The following CMKLR1 variants were observed in gnomAD, a reference collection of about 807,000 sequenced individuals.
CMKLR1 encodes the protein chemerin chemokine-like receptor 1, also known as chemerin-like receptor 1.
A neutral mutation model predicts 8.2 loss-of-function variants in CMKLR1; 6 were observed. The observed-to-expected ratio is 0.73, with a 90% CI of 0.40 to 1.44. The LOEUF (loss-of-function observed/expected upper bound fraction) is 1.44. CMKLR1 is among the 40% of genes most tolerant of loss of function. The pLI, the probability that CMKLR1 is intolerant of heterozygous loss-of-function variation, is 0.02. For synonymous variants in CMKLR1, 178 were observed against 181.2 expected (o/e 0.98, Z 0.14); for missense variants, 429 against 478.0 (o/e 0.90, Z 0.96).
rs1037687418 is a variant in CMKLR1, at chr12:108,293,674, A to G, written c.-73-10T>C. The G allele has an allele frequency of 0.04, 18,657 of 467,324 alleles. 96 individuals are homozygous for G. Among genetic ancestry groups the G allele is most frequent in the Non-Finnish European group, 0.046 (16,003 of 347,000 alleles). 28.9% of individuals were successfully genotyped at this position (467,324 alleles called of 1,614,324 possible). ...ACACAGCTAGAAACACCTGTAGGGA[A>G]AAAAAAAAAAAAAAAAGCAGCAATT... On this transcript the variant is annotated splice_polypyrimidine_tract_variant and intron_variant, in intron 2 of 3. Coordinates refer to ENST00000550402, the MANE Select transcript of CMKLR1 (RefSeq NM_001142343.2).
At chr12:108,296,611 A>G (rs1891143271) in intron 2 of CMKLR1, among the ~76,000 whole-genome samples, 1 of 152,216 alleles carries the variant, frequency 6.6e-6, no homozygotes, top group Non-Finnish European at 1.5e-5. Flanking sequence ...GGATTACTTG[A>G]GGCCAGGAGT....
At position 108,291,507 on chromosome 12, in the gene CMKLR1, C is replaced by A. The variant is rs1428148302; in HGVS notation, c.*334G>T. Reference sequence around the variant, plus strand: ...CTTGGAGAGTGTCATTTCTGGGGCACACACAATAGGCAGCTTAATCCCACC... The same window carrying A: ...CTTGGAGAGTGTCATTTCTGGGGCAAACACAATAGGCAGCTTAATCCCACC... On this transcript the variant is annotated 3_prime_UTR_variant, in exon 4 of 4. Transcript: ENST00000550402. 1 of 264,390 alleles carries A rather than the reference C, an allele frequency of 3.8e-6. No homozygotes were observed. The highest frequency in any genetic ancestry group is 7.2e-6 in the Non-Finnish European group (1 of 139,028). 16.4% of individuals were successfully genotyped at this position (264,390 alleles called of 1,614,324 possible).
In CMKLR1 at chr12:108,292,098, T is replaced by C. The variant is rs778567159; in HGVS notation, c.865A>G (p.Met289Val). ...CCCAGGCTGAAGACAGAGCCAGGCA[T>C]GGCAGTGTGGTGGAGCTCTAGGAGG... ...LNLLELHHTA[M>V]PGSVFSLGLP... Residue 289 changes from methionine (M) to valine (V), a missense_variant, in exon 4 of 4, where the codon ATG becomes GTG. Transcript: ENST00000550402. 6.2e-7 allele frequency: 1 copy of C among 1,614,196 alleles called. No homozygotes were observed. The highest frequency in any genetic ancestry group is 1.3e-5 in the African/African-American group (1 of 75,050).
rs1300881352 is a variant in CMKLR1, at chr12:108,290,637, G to A, written c.*1204C>T. ...GGCCTCAGCTATGTCATTTGTAAAT[G>A]GGGCTATGACACTCTGTGGCCACAG... On this transcript the variant is annotated 3_prime_UTR_variant, in exon 4 of 4. Transcript: ENST00000550402. 1 of 152,194 alleles carries A rather than the reference G, an allele frequency of 6.6e-6. No individual in the cohort carries two copies. Among genetic ancestry groups the A allele is most frequent in the African/African-American group, 2.4e-5 (1 of 41,450 alleles). 9.4% of individuals were successfully genotyped at this position (152,194 alleles called of 1,614,324 possible).
At chr12:108,310,349 G>T (rs1337368714) in intron 2 of CMKLR1, among the ~76,000 whole-genome samples, 2 of 152,128 alleles carry the variant, frequency 1.3e-5, no homozygotes, top group Non-Finnish European at 2.9e-5. Context: ...AAAGATTCCA[G>T]CTTCTAACCT....
Position 108,292,380 on chromosome 12 carries a change from G to A in CMKLR1, c.583C>T (p.Leu195=), listed in dbSNP as rs1283910743. The A allele has an allele frequency of 6.2e-7, 1 of 1,614,202 alleles. No individual in the cohort carries two copies. The highest frequency in any genetic ancestry group is 1.7e-5 in the Admixed American group (1 of 60,022). The change falls in exon 4 of 4, where the codon CTG becomes TTG. Residue 195 remains leucine, a synonymous_variant. Coordinates refer to ENST00000550402, the MANE Select transcript of CMKLR1 (RefSeq NM_001142343.2). ...CACGAGGAAGACCCAGGTGTGGACA[G>A]GCTGAAGTTGTTGAAGCAGGATATT... ...GKISCFNNFS[L]STPGSSSWPT... is the part of the protein sequence containing the mutation.
chr12:108,314,317 C>T (rs970008081), intron 2 of CMKLR1, among the ~76,000 whole-genome samples: 40 of 152,132 alleles, frequency 2.6e-4, no homozygotes, highest in African/African-American at 8.5e-4. Flanking sequence ...AAGGGGGACC[C>T]AGTTACATGA....
chr12:108,316,530 C>T (rs1241630652), intron 2 of CMKLR1, among the ~76,000 whole-genome samples: 1 of 152,044 alleles, frequency 6.6e-6, no homozygotes. Flanking sequence ...TGAAGAAAGT[C>T]CCCAGGAAGA....
chr12:108,325,801 C>A (rs553283215), intron 2 of CMKLR1, among the ~76,000 whole-genome samples: 1 of 152,342 alleles, frequency 6.6e-6, no homozygotes, highest in East Asian at 1.9e-4. Flanking sequence ...CCAGCGCAGC[C>A]ACCAACACCA....
At chr12:108,335,188 C>T (rs1892191705) in intron 1 of CMKLR1, among the ~76,000 whole-genome samples, 1 of 152,202 alleles carries the variant, frequency 6.6e-6, no homozygotes, top group Admixed American at 6.5e-5. Context: ...TTCATTCTCC[C>T]TGTCCACAAT....
chr12:108,333,888 G>A (rs540124249), intron 1 of CMKLR1, among the ~76,000 whole-genome samples: 1 of 152,370 alleles, frequency 6.6e-6, no homozygotes, highest in South Asian at 2.1e-4. Context: ...GTTCTAAAAA[G>A]AAATAACTGG....
At chr12:108,293,030 G>A (rs1247380665) in intron 3 of CMKLR1, 71 bp from the exon 4 acceptor site, 12 of 1,381,110 alleles carry the variant, frequency 8.7e-6, no homozygotes, top group Non-Finnish European at 1.1e-5. Flanking sequence ...ATACCAGCAA[G>A]ACCAACAATG....
Position 108,292,939 on chromosome 12 carries a change from G to A in CMKLR1, c.24C>T (p.Tyr8=). The change falls in exon 4 of 4, where the codon TAC becomes TAT. Residue 8 remains tyrosine, a synonymous_variant. Transcript: ENST00000550402. The part of the protein sequence containing the change: MRMEDED[Y]NTSISYGDEY... ...CATCACCGTAACTGATGGAAGTGTT[G>A]TAATCTTCATCCTCCATTCTCTGCA... 6.2e-7 allele frequency: 1 copy of A among 1,610,516 alleles called. No individual in the cohort carries two copies. The highest frequency in any genetic ancestry group is 8.5e-7 in the Non-Finnish European group (1 of 1,177,396).
chr12:108,303,765 C>G (rs1891337135), intron 2 of CMKLR1, among the ~76,000 whole-genome samples: 1 of 152,170 alleles, frequency 6.6e-6, no homozygotes, highest in Admixed American at 6.5e-5. Context: ...GGCTCCGGGT[C>G]CCCTGCAATT....
intron 1 of CMKLR1, among the ~76,000 whole-genome samples, chr12:108,337,443 C>G (rs750198271): frequency 2.6e-5 from 4 of 152,074 alleles, no homozygotes; most frequent in Non-Finnish European, 5.9e-5. Flanking sequence ...AGTTCTTGTG[C>G]AGGGGACTGA....
rs1238297402 is a variant in CMKLR1, at chr12:108,330,118, T to G, written c.-197A>C. 1.3e-5 allele frequency: 2 copies of G among 152,112 alleles called. No individual in the cohort carries two copies. Among genetic ancestry groups the G allele is most frequent in the Non-Finnish European group, 2.9e-5 (2 of 68,038 alleles). 9.4% of individuals were successfully genotyped at this position (152,112 alleles called of 1,614,324 possible). A position where few individuals can be genotyped will look rare whatever the true frequency, so the allele number is the denominator to read the frequency against. ...GATGCTGTGCTAGTCCCAGCCTAGATCTCTAGATGCCATCAGCTTCTGCTA... is the reference window on the plus strand; with the variant it reads ...GATGCTGTGCTAGTCCCAGCCTAGAGCTCTAGATGCCATCAGCTTCTGCTA... On this transcript the variant is annotated 5_prime_UTR_variant, in exon 2 of 4. Transcript: ENST00000550402.
At chr12:108,305,910 C>G (rs938030428) in intron 2 of CMKLR1, among the ~76,000 whole-genome samples, 3 of 152,226 alleles carry the variant, frequency 2.0e-5, no homozygotes, top group Non-Finnish European at 2.9e-5. Flanking sequence ...TGAACCCAGA[C>G]AGCCCACCTG....
At chr12:108,311,656 C>T (rs980212260) in intron 2 of CMKLR1, among the ~76,000 whole-genome samples, 6 of 152,224 alleles carry the variant, frequency 3.9e-5, no homozygotes, top group African/African-American at 4.8e-5. Flanking sequence ...AGGGAAAGGA[C>T]GCTAAGGGGA....
At chr12:108,311,593 T>C (rs1891577256) in intron 2 of CMKLR1, among the ~76,000 whole-genome samples, 1 of 152,170 alleles carries the variant, frequency 6.6e-6, no homozygotes, top group Non-Finnish European at 1.5e-5. Context: ...ACCACTGCGC[T>C]CCAGCCTGGG....
Sources: allele counts gnomAD v4.1 joint callset (sites outside exome capture counted in the v4.1 genomes callset), GRCh38; gene constraint gnomAD v4.1.1; transcripts MANE v1.5; gene names NCBI Gene and HGNC (gene_info 2026-07-23, HGNC 2026-07-21).